PANX1: variants seen among roughly 807,000 people sequenced by gnomAD.
PANX1 encodes the protein pannexin 1.
In PANX1, 30 loss-of-function variants were observed where a neutral mutation model predicts 38.7. That is an observed-to-expected ratio of 0.78 (90% CI 0.58 to 1.05). PANX1 has a LOEUF of 1.05. PANX1 is among the 50% of genes least tolerant of loss of function. PANX1 has a pLI of 0.00. For missense variants in PANX1, 551 were observed against 517.2 expected, an observed-to-expected ratio of 1.07 and a Z score of -0.63; for synonymous variants, 230 against 212.2, an observed-to-expected ratio of 1.08 and a Z score of -0.73.
intron 2 of PANX1, among the ~76,000 whole-genome samples, chr11:94,158,974 G>C (rs1479763470): frequency 6.6e-6 from 1 of 152,126 alleles, no homozygotes; most frequent in South Asian, 2.1e-4. Flanking sequence ...GTTGAATTTT[G>C]TCAAAGGCCT....
chr11:94,133,261 TGTGTTGGGGACA>T (rs1946651900), intron 1 of PANX1, among the ~76,000 whole-genome samples: 1 of 152,186 alleles, frequency 6.6e-6, no homozygotes, highest in South Asian at 2.1e-4. Flanking sequence ...TGGTGGGGAC[TGTGTTGGGGACA>T]GAGAGCAGAA....
chr11:94,134,587 A>G (rs1318456990), intron 1 of PANX1, among the ~76,000 whole-genome samples: 1 of 151,946 alleles, frequency 6.6e-6, no homozygotes, highest in Non-Finnish European at 1.5e-5. Flanking sequence ...TGAGAGTGGG[A>G]CCTTCATGAT....
Position 94,181,038 on chromosome 11 carries a change from T to G in PANX1, c.*169T>G. ...GGAAATGGTGATCAACAAAAGGTTATGGAAGAATGGTTTATGAACTTCCCA... is the reference window on the plus strand; with the variant it reads ...GGAAATGGTGATCAACAAAAGGTTAGGGAAGAATGGTTTATGAACTTCCCA... On this transcript the variant is annotated 3_prime_UTR_variant, in exon 5 of 5. Transcript: ENST00000227638. 1.7e-6 allele frequency: 1 copy of G among 595,768 alleles called. No individual in the cohort carries two copies. The highest frequency in any genetic ancestry group is 3.0e-6 in the Non-Finnish European group (1 of 332,068). The allele number at this position is 595,768 out of a possible 1,614,324, so 36.9% of individuals were successfully genotyped here.
At chr11:94,161,644 A>T (rs1228636021) in intron 2 of PANX1, among the ~76,000 whole-genome samples, 1 of 152,034 alleles carries the variant, frequency 6.6e-6, no homozygotes, top group Admixed American at 6.5e-5. Flanking sequence ...CAAGGTTTTT[A>T]ACTTCTTTGC....
intron 2 of PANX1, among the ~76,000 whole-genome samples, chr11:94,167,621 T>G (rs1000016498): frequency 3.3e-5 from 5 of 152,238 alleles, no homozygotes; most frequent in African/African-American, 1.2e-4. Context: ...TAATCATTAA[T>G]CATATATTCA....
chr11:94,174,277 C>T (rs78396972), intron 2 of PANX1, among the ~76,000 whole-genome samples: 2,098 of 151,554 alleles, frequency 0.014, 117 homozygotes, highest in African/African-American at 0.049. Context: ...CCAGCACACC[C>T]TTCCAGCCTC....
rs112985120 is a variant in PANX1, at chr11:94,169,061, G to A, written c.322-9308G>A. The stretch of plus-strand genomic sequence containing the variant: ...AATCAGGTGCTGTGGTCCAGATGAT[G>A]TGTCAGGTGGGCAGTGAGATATGGT... On this transcript the variant is annotated intron_variant, in intron 2 of 4. Transcript: ENST00000227638. Among the ~76,000 whole-genome samples, 21 of 151,800 alleles carry A rather than the reference G, an allele frequency of 1.4e-4. 2 individuals are homozygous for A. The highest frequency in any genetic ancestry group is 5.1e-4 in the African/African-American group (21 of 41,078).
intron 2 of PANX1, 55 bp from the exon 3 acceptor site, chr11:94,178,314 T>C (rs1158408987): frequency 1.5e-6 from 2 of 1,336,328 alleles, no homozygotes; most frequent in Non-Finnish European, 1.1e-6. Flanking sequence ...CTTGGCGCCA[T>C]AGGTTACTGC....
intron 2 of PANX1, among the ~76,000 whole-genome samples, chr11:94,178,145 A>G (rs1441872472): frequency 6.6e-6 from 1 of 152,158 alleles, no homozygotes; most frequent in African/African-American, 2.4e-5. Flanking sequence ...GTTGCTGATT[A>G]CTTCAAATTA....
chr11:94,138,191 G>A (rs910333681), intron 1 of PANX1, among the ~76,000 whole-genome samples: 1 of 152,126 alleles, frequency 6.6e-6, no homozygotes, highest in Admixed American at 6.5e-5. Flanking sequence ...TGAAGGAGTG[G>A]CTTTCCCCAC....
At chr11:94,160,361 AGTCTCTTTGTAG>A (rs1565380116) in intron 2 of PANX1, among the ~76,000 whole-genome samples, 1 of 152,132 alleles carries the variant, frequency 6.6e-6, no homozygotes, top group Non-Finnish European at 1.5e-5. Flanking sequence ...TGGGAGTCTA[AGTCTCTTTGTAG>A]GTCTCTAAGG....
chr11:94,155,753 C>G (rs1301048730), intron 2 of PANX1, among the ~76,000 whole-genome samples: 1 of 152,130 alleles, frequency 6.6e-6, no homozygotes, highest in East Asian at 1.9e-4. Flanking sequence ...TCATGTTGTT[C>G]AAGCGTCAAC....
chr11:94,155,175 AC>A (rs1362921025), intron 2 of PANX1, among the ~76,000 whole-genome samples: 5 of 152,148 alleles, frequency 3.3e-5, no homozygotes, highest in Admixed American at 3.3e-4. Context: ...ACATGGTGAA[AC>A]CCCATCTCCA....
chr11:94,153,674 T>G, intron 2 of PANX1, 44 bp downstream of exon 2: 1 of 1,568,354 alleles, frequency 6.4e-7, no homozygotes, highest in East Asian at 2.2e-5. Context: ...GCTTTATAGA[T>G]AAGGAAACTA....
chr11:94,147,854 T>C (rs891498313), intron 1 of PANX1, among the ~76,000 whole-genome samples: 7 of 152,176 alleles, frequency 4.6e-5, no homozygotes, highest in African/African-American at 1.7e-4. Context: ...AAACCATTCA[T>C]TCTAAAATGC....
intron 2 of PANX1, among the ~76,000 whole-genome samples, chr11:94,175,294 G>A (rs1257718308): frequency 6.6e-6 from 1 of 151,728 alleles, no homozygotes; most frequent in Non-Finnish European, 1.5e-5. Context: ...TTAGTGTGGA[G>A]AAAACCAAGA....
chr11:94,180,738 T>C (rs1239664857), intron 4 of PANX1, 52 bp from the exon 5 acceptor site: 3 of 998,814 alleles, frequency 3.0e-6, no homozygotes, highest in Non-Finnish European at 4.8e-6. Context: ...TGATTAGTAT[T>C]GGTAATTCCT....
intron 2 of PANX1, among the ~76,000 whole-genome samples, chr11:94,174,699 T>C (rs575221019): frequency 6.6e-6 from 1 of 151,768 alleles, no homozygotes; most frequent in East Asian, 1.9e-4. Context: ...CCCCAGGAGA[T>C]GTTTTTGAGT....
intron 1 of PANX1, among the ~76,000 whole-genome samples, chr11:94,143,946 A>G (rs112361562): frequency 0.031 from 4,667 of 152,142 alleles, 248 homozygotes; most frequent in African/African-American, 0.11. Context: ...ACGGGGTCTC[A>G]CTTTATTGCC....
Sources: gnomAD v4.1 joint callset for allele counts (sites outside exome capture counted in the v4.1 genomes callset) on GRCh38, gnomAD v4.1.1 for gene constraint, MANE v1.5 for transcripts, NCBI Gene and HGNC (gene_info 2026-07-23, HGNC 2026-07-21) for gene names.